Variants in IGF2BP2 observed in about 807,000 individuals in gnomAD.
The protein encoded by IGF2BP2 is insulin like growth factor 2 mRNA binding protein 2, also known as insulin-like growth factor 2 mRNA-binding protein 2.
Under a neutral mutation model 75.8 loss-of-function variants are expected in IGF2BP2, and 17 were observed. That is an observed-to-expected ratio of 0.22 (90% CI 0.15 to 0.34). IGF2BP2 has a LOEUF of 0.34. Among genes scored for constraint, IGF2BP2 ranks in the 10% least tolerant of loss-of-function variants. IGF2BP2 has a pLI of 1.00. For missense variants in IGF2BP2, 516 were observed against 772.4 expected (o/e 0.67, Z 3.93); for synonymous variants, 288 against 295.6 (o/e 0.97, Z 0.26).
chr3:185,768,968 A>C (rs1250151277), intron 2 of IGF2BP2, among the ~76,000 whole-genome samples: 1 of 152,234 alleles, frequency 6.6e-6, no homozygotes. Context: ...TGGAGATTGC[A>C]GTGAGCTGAG....
At chr3:185,721,586 A>C (rs1439216798) in intron 2 of IGF2BP2, among the ~76,000 whole-genome samples, 1 of 152,016 alleles carries the variant, frequency 6.6e-6, no homozygotes, top group Admixed American at 6.6e-5. Flanking sequence ...TCAGCAAGTG[A>C]ATTATGTATT....
chr3:185,649,705 G>A (rs550309596), intron 13 of IGF2BP2, among the ~76,000 whole-genome samples, 171 bp from the exon 14 acceptor site: 4 of 152,208 alleles, frequency 2.6e-5, no homozygotes, highest in African/African-American at 4.8e-5. Flanking sequence ...CCTGGGGGGC[G>A]CTGCTCCCGC....
intron 2 of IGF2BP2, among the ~76,000 whole-genome samples, chr3:185,720,873 C>T (rs527920712): frequency 6.6e-6 from 1 of 152,318 alleles, no homozygotes; most frequent in South Asian, 2.1e-4. Context: ...ACAGTAACTG[C>T]TGTGTGAGAA....
intron 7 of IGF2BP2, among the ~76,000 whole-genome samples, chr3:185,686,384 T>TAA: frequency 7.3e-6 from 1 of 137,450 alleles, no homozygotes. Context: ...GACTCTGTCT[T>TAA]AAAAAAAAAA....
intron 5 of IGF2BP2, 34 bp downstream of exon 5, chr3:185,692,665 A>C (rs1209265027): frequency 1.3e-6 from 2 of 1,521,840 alleles, no homozygotes; most frequent in South Asian, 2.3e-5. Flanking sequence ...AAAAACAAAT[A>C]AATTTAAACA....
chr3:185,652,082 C>T lies in IGF2BP2; in HGVS notation c.1461+12G>A. 2 of 1,610,086 alleles carry T rather than the reference C, an allele frequency of 1.2e-6. No individual in the cohort carries two copies. The highest frequency in any genetic ancestry group is 1.7e-6 in the Non-Finnish European group (2 of 1,177,362). ...CAGAGCCTGCAGGGCTGAGGTGTCC[C>T]TTGGCACTAACCTTGAACTGGGCTT... On this transcript the variant is annotated intron_variant, in intron 13 of 15. Transcript: ENST00000382199.
intron 7 of IGF2BP2, among the ~76,000 whole-genome samples, chr3:185,684,269 T>C (rs1172239918): frequency 6.6e-6 from 1 of 152,172 alleles, no homozygotes; most frequent in Admixed American, 6.5e-5. Flanking sequence ...TTCAGTCCCT[T>C]CAGGGCTCTG....
rs960407191 is a variant in IGF2BP2 at position 185,682,644 on chromosome 3, T to C, written c.812+4413A>G. On this transcript the variant is annotated intron_variant, in intron 7 of 15. Transcript: ENST00000382199. ...CAAAGGATTTGAATAGACATTTCTC[T>C]AAAGATGATATACAAATGGCCAATA... Among the ~76,000 whole-genome samples, 7 of 152,294 alleles carry C rather than the reference T, an allele frequency of 4.6e-5. 1 individual carries two copies. Among genetic ancestry groups the C allele is most frequent in the African/African-American group, 1.7e-4 (7 of 41,558 alleles).
At chr3:185,661,586 C>T (rs1339965831) in intron 10 of IGF2BP2, among the ~76,000 whole-genome samples, 2 of 144,232 alleles carry the variant, frequency 1.4e-5, no homozygotes, top group African/African-American at 5.2e-5. Flanking sequence ...TTCAGTGAGC[C>T]GAGATCATGC....
At chr3:185,780,449 G>A (rs1735065853) in intron 2 of IGF2BP2, among the ~76,000 whole-genome samples, 1 of 152,134 alleles carries the variant, frequency 6.6e-6, no homozygotes. Flanking sequence ...GCAGAAAGAT[G>A]GACAGAAAAT....
At chr3:185,778,960 G>A (rs1364600698) in intron 2 of IGF2BP2, among the ~76,000 whole-genome samples, 1 of 152,060 alleles carries the variant, frequency 6.6e-6, no homozygotes, top group East Asian at 1.9e-4. Context: ...AGTGCCTCCA[G>A]AGCTAACACA....
chr3:185,734,509 T>C (rs1578141379), intron 2 of IGF2BP2, among the ~76,000 whole-genome samples: 2 of 152,182 alleles, frequency 1.3e-5, no homozygotes, highest in Admixed American at 6.5e-5. Flanking sequence ...AATCATACAC[T>C]GGGCAGATGA....
At chr3:185,700,543 C>A (rs1268751858) in intron 2 of IGF2BP2, among the ~76,000 whole-genome samples, 1 of 152,202 alleles carries the variant, frequency 6.6e-6, no homozygotes. Context: ...CCATCCCATA[C>A]AGTGGCTACA....
intron 2 of IGF2BP2, among the ~76,000 whole-genome samples, chr3:185,788,764 G>C (rs903737787): frequency 2.1e-5 from 3 of 145,580 alleles, no homozygotes; most frequent in Non-Finnish European, 3.0e-5. Flanking sequence ...GCCCAGGCTG[G>C]AGCGCAGTGG....
At chr3:185,801,350 G>A (rs1319359525) in intron 2 of IGF2BP2, among the ~76,000 whole-genome samples, 1 of 151,882 alleles carries the variant, frequency 6.6e-6, no homozygotes, top group African/African-American at 2.4e-5. Context: ...TTAGCCAGGC[G>A]TGGTGGCACA....
At chr3:185,741,456 T>G (rs1182083787) in intron 2 of IGF2BP2, among the ~76,000 whole-genome samples, 2 of 152,224 alleles carry the variant, frequency 1.3e-5, no homozygotes, top group African/African-American at 4.8e-5. Context: ...TCAGGATCCA[T>G]GGGCTAATTT....
intron 2 of IGF2BP2, among the ~76,000 whole-genome samples, chr3:185,763,239 C>T: frequency 6.6e-6 from 1 of 152,108 alleles, no homozygotes; most frequent in East Asian, 1.9e-4. Flanking sequence ...ACACCAAGTC[C>T]TATCTGTGGG....
intron 2 of IGF2BP2, among the ~76,000 whole-genome samples, chr3:185,811,830 G>GTCTCTCTCTCTCTCTCTCTCTCTCTCTC (rs58208457): frequency 5.0e-5 from 6 of 120,688 alleles, no homozygotes; most frequent in Admixed American, 9.0e-5. Context: ...AGAGTAGGGT[G>GTCTCTCTCTCTCTCTCTCTCTCTCTCTC]TCTCTCTCTC....
intron 5 of IGF2BP2, among the ~76,000 whole-genome samples, chr3:185,690,607 C>G (rs6767332): frequency 1 from 151,914 of 152,318 alleles, 75,756 homozygotes; most frequent in South Asian, 1. Context: ...GTTACACACA[C>G]TGTCACCATT....
Sources: allele counts gnomAD v4.1 joint callset (sites outside exome capture counted in the v4.1 genomes callset), GRCh38; gene constraint gnomAD v4.1.1; transcripts MANE v1.5; gene names NCBI Gene and HGNC (gene_info 2026-07-23, HGNC 2026-07-21).